Variants in CSRNP3 observed in about 807,000 individuals in gnomAD.
CSRNP3 encodes cysteine and serine rich nuclear protein 3, also known as cysteine/serine-rich nuclear protein 3.
Under a neutral mutation model 48.0 loss-of-function variants are expected in CSRNP3, and 12 were observed. The ratio of observed to expected loss-of-function variants is 0.25; its 90% CI spans 0.16 to 0.41. The LOEUF is 0.41. Ranked by LOEUF, CSRNP3 falls within the 10% of genes least tolerant of loss-of-function variation. The pLI, the probability that CSRNP3 is intolerant of heterozygous loss-of-function variation, is 1.00. For synonymous variants in CSRNP3, 263 were observed against 269.7 expected (o/e 0.98, Z 0.24); for missense variants, 580 against 724.4 (o/e 0.80, Z 2.29).
At chr2:165,636,061 A>G (rs1686622079) in intron 4 of CSRNP3, among the ~76,000 whole-genome samples, 1 of 152,160 alleles carries the variant, frequency 6.6e-6, no homozygotes, top group Non-Finnish European at 1.5e-5. Context: ...AAACTTGTTT[A>G]TTGCTATAAC....
At chr2:165,575,806 A>G (rs944730559) in intron 3 of CSRNP3, among the ~76,000 whole-genome samples, 6 of 151,960 alleles carry the variant, frequency 3.9e-5, no homozygotes, top group Non-Finnish European at 8.8e-5. Flanking sequence ...TTATCACTCT[A>G]TGGGGACATT....
chr2:165,544,425 T>C (rs963935180), intron 3 of CSRNP3, among the ~76,000 whole-genome samples: 8 of 152,108 alleles, frequency 5.3e-5, no homozygotes, highest in Admixed American at 6.6e-5. Context: ...ATTACTCTGA[T>C]TAAAAGGGAG....
At chr2:165,574,539 A>G in intron 3 of CSRNP3, 2 of 654,172 alleles carry the variant, frequency 3.1e-6, no homozygotes, top group Admixed American at 6.6e-5. Flanking sequence ...CCTGGTTTTC[A>G]GGATTCCCTT....
intron 4 of CSRNP3, among the ~76,000 whole-genome samples, chr2:165,652,333 A>G (rs1686924826): frequency 6.6e-6 from 1 of 151,706 alleles, no homozygotes; most frequent in Non-Finnish European, 1.5e-5. Context: ...AACAAGGTGA[A>G]ACCCCCTCTC....
At chr2:165,634,368 A>C (rs1283802685) in intron 4 of CSRNP3, among the ~76,000 whole-genome samples, 1 of 152,128 alleles carries the variant, frequency 6.6e-6, no homozygotes, top group Admixed American at 6.6e-5. Context: ...CACACAGAAA[A>C]ACATTATTTG....
intron 5 of CSRNP3, among the ~76,000 whole-genome samples, chr2:165,660,252 C>T (rs1470935431): frequency 1.3e-5 from 2 of 152,106 alleles, no homozygotes; most frequent in Non-Finnish European, 2.9e-5. Context: ...TTGCCAGGTA[C>T]TTTATGAACA....
chr2:165,522,017 A>G (rs1684669870), intron 3 of CSRNP3, among the ~76,000 whole-genome samples: 1 of 152,106 alleles, frequency 6.6e-6, no homozygotes, highest in South Asian at 2.1e-4. Context: ...AAGGCCAGGC[A>G]TGGTGGCTCG....
chr2:165,620,075 TAA>T (rs1686314203), intron 4 of CSRNP3, among the ~76,000 whole-genome samples: 1 of 152,122 alleles, frequency 6.6e-6, no homozygotes, highest in African/African-American at 2.4e-5. Flanking sequence ...AAAGTAGAAA[TAA>T]AGTCAGTTTT....
At chr2:165,500,957 A>T (rs908402775) in intron 2 of CSRNP3, among the ~76,000 whole-genome samples, 1 of 152,148 alleles carries the variant, frequency 6.6e-6, no homozygotes. Context: ...TCCTCCAAAG[A>T]TGCTGTCCAT....
At chr2:165,520,980 C>T (rs563509248) in intron 3 of CSRNP3, among the ~76,000 whole-genome samples, 2 of 150,944 alleles carry the variant, frequency 1.3e-5, no homozygotes, top group South Asian at 4.2e-4. Flanking sequence ...TGCACTACCA[C>T]ACTTGGGTAA....
chr2:165,591,194 G>A (rs1016040979), intron 3 of CSRNP3, among the ~76,000 whole-genome samples: 25 of 152,188 alleles, frequency 1.6e-4, no homozygotes, highest in African/African-American at 5.3e-4. Context: ...GGGAAATGGA[G>A]TAAAGGTCAC....
At position 165,665,443 on chromosome 2, in the gene CSRNP3, A is replaced by G. The variant is rs200983061; in HGVS notation, c.408+7423A>G. 1.2e-4 allele frequency among the ~76,000 whole-genome samples: 19 copies of G among 152,262 alleles called. No homozygotes were observed. In the East Asian group the frequency reaches 1.9e-3, roughly 15 times the overall value. On this transcript the variant is annotated intron_variant, in intron 5 of 6. Coordinates refer to ENST00000651982, the MANE Select transcript of CSRNP3 (RefSeq NM_001172173.2). ...GAAAGAATGGGAAATTCTCAGAACT[A>G]TATTCTTGTCTTAGAGACAAAATAA...
At chr2:165,608,019 A>G (rs564189685) in intron 4 of CSRNP3, among the ~76,000 whole-genome samples, 2 of 151,132 alleles carry the variant, frequency 1.3e-5, no homozygotes, top group Non-Finnish European at 2.9e-5. Flanking sequence ...GTTATATTTG[A>G]TGACATCTTT....
At chr2:165,479,543 C>T (rs1027578113) in intron 1 of CSRNP3, among the ~76,000 whole-genome samples, 3 of 152,050 alleles carry the variant, frequency 2.0e-5, no homozygotes, top group African/African-American at 7.2e-5. Flanking sequence ...TACTAATTTT[C>T]TATTAACATG....
chr2:165,558,741 T>C (rs989287454), intron 3 of CSRNP3, among the ~76,000 whole-genome samples: 2 of 152,204 alleles, frequency 1.3e-5, no homozygotes, highest in Admixed American at 1.3e-4. Flanking sequence ...AAAGTGTCAA[T>C]GATTTTACGT....
At chr2:165,509,424 A>G (rs1684470692) in intron 2 of CSRNP3, among the ~76,000 whole-genome samples, 2 of 152,116 alleles carry the variant, frequency 1.3e-5, no homozygotes, top group African/African-American at 4.8e-5. Context: ...AGTTATTGTC[A>G]GGTAGTGGAA....
intron 2 of CSRNP3, among the ~76,000 whole-genome samples, chr2:165,513,970 G>A (rs1684542509): frequency 6.6e-6 from 1 of 152,228 alleles, no homozygotes; most frequent in Non-Finnish European, 1.5e-5. Flanking sequence ...AGGAGCAGAT[G>A]TGAATCATAA....
chr2:165,485,614 G>C (rs1219766655), intron 1 of CSRNP3, among the ~76,000 whole-genome samples: 2 of 152,142 alleles, frequency 1.3e-5, no homozygotes, highest in South Asian at 4.1e-4. Context: ...CCCTATTGTA[G>C]CAGGTAGTGG....
At chr2:165,574,253 A>AG (rs1685414054) in intron 3 of CSRNP3, 1 of 743,656 alleles carries the variant, frequency 1.3e-6, no homozygotes. Flanking sequence ...AAGCGAGAGG[A>AG]GGGGGCAGAA....
Sources: gnomAD v4.1 joint callset for allele counts (sites outside exome capture counted in the v4.1 genomes callset) on GRCh38, gnomAD v4.1.1 for gene constraint, MANE v1.5 for transcripts, NCBI Gene and HGNC (gene_info 2026-07-23, HGNC 2026-07-21) for gene names.